TACR3: variants seen among roughly 807,000 people sequenced by gnomAD.
TACR3 encodes the protein neuromedin-K receptor.
In TACR3, 34 loss-of-function variants were observed where a neutral mutation model predicts 35.0. That is an observed-to-expected ratio of 0.97 (90% CI 0.74 to 1.30). TACR3 has a LOEUF of 1.30. TACR3 is among the 50% of genes most tolerant of loss of function. The probability of loss-of-function intolerance (pLI) is 0.00; values close to 1 mark genes in which losing one functional copy is unlikely to be tolerated. For synonymous variants in TACR3, 233 were observed against 221.1 expected (o/e 1.05, Z -0.48); for missense variants, 558 against 591.7 (o/e 0.94, Z 0.59).
intron 3 of TACR3, 131 bp downstream of exon 3, chr4:103,656,063 T>A (rs1725727670): frequency 1.7e-6 from 2 of 1,177,404 alleles, no homozygotes; most frequent in South Asian, 1.4e-5. Context: ...AGAAAAAAAA[T>A]TAAAACAAAG....
intron 1 of TACR3, among the ~76,000 whole-genome samples, chr4:103,667,227 C>T (rs1725954201): frequency 6.6e-6 from 1 of 152,126 alleles, no homozygotes; most frequent in South Asian, 2.1e-4. Context: ...CATTGCATTC[C>T]AGCTTGGGCA....
At chr4:103,619,609 GA>G (rs1193237974) in intron 3 of TACR3, among the ~76,000 whole-genome samples, 1 of 152,148 alleles carries the variant, frequency 6.6e-6, no homozygotes, top group Non-Finnish European at 1.5e-5. Flanking sequence ...GTCTCAAGGA[GA>G]ATGGTTTGAG....
At chr4:103,602,259 G>T (rs2128396) in intron 3 of TACR3, among the ~76,000 whole-genome samples, 76,350 of 151,898 alleles carry the variant, frequency 0.5, 22,891 homozygotes, top group Non-Finnish European at 0.64. Flanking sequence ...GGACTTCTCT[G>T]CATTGGTTAT....
intron 1 of TACR3, among the ~76,000 whole-genome samples, chr4:103,673,963 A>AT (rs1726106182): frequency 6.6e-6 from 1 of 152,134 alleles, no homozygotes; most frequent in African/African-American, 2.4e-5. Context: ...ATTTTATTTC[A>AT]TTTTTTATAA....
chr4:103,689,265 G>T (rs1453797461), intron 1 of TACR3, among the ~76,000 whole-genome samples: 1 of 129,058 alleles, frequency 7.7e-6, no homozygotes, highest in African/African-American at 3.0e-5. Flanking sequence ...TCGGGGGAGG[G>T]GGGCGGGATA....
chr4:103,634,909 C>T (rs1055317690), intron 3 of TACR3, among the ~76,000 whole-genome samples: 3 of 152,018 alleles, frequency 2.0e-5, no homozygotes, highest in Non-Finnish European at 2.9e-5. Flanking sequence ...TAAGATAACA[C>T]CTTTTCTATC....
chr4:103,616,082 G>T (rs529998471), intron 3 of TACR3, among the ~76,000 whole-genome samples: 169 of 152,300 alleles, frequency 1.1e-3, no homozygotes, highest in African/African-American at 4.0e-3. Context: ...ATACAGGTCA[G>T]TAATGTCAGA....
chr4:103,592,516 T>C (rs1202528949), intron 3 of TACR3, among the ~76,000 whole-genome samples: 1 of 152,198 alleles, frequency 6.6e-6, no homozygotes, highest in Non-Finnish European at 1.5e-5. Context: ...TCCCAGCATC[T>C]ATCACAGTCC....
intron 3 of TACR3, among the ~76,000 whole-genome samples, chr4:103,626,766 T>G (rs1724900486): frequency 6.6e-6 from 1 of 152,192 alleles, no homozygotes; most frequent in African/African-American, 2.4e-5. Context: ...AACTTTATAA[T>G]GAGTAATAAA....
intron 3 of TACR3, among the ~76,000 whole-genome samples, chr4:103,616,888 C>T (rs547676618): frequency 6.6e-6 from 1 of 152,220 alleles, no homozygotes; most frequent in South Asian, 2.1e-4. Flanking sequence ...GTCCAGGTTG[C>T]AGTGAGCCAT....
intron 3 of TACR3, among the ~76,000 whole-genome samples, chr4:103,598,782 C>T (rs990992438): frequency 4.3e-4 from 65 of 152,146 alleles, no homozygotes; most frequent in African/African-American, 1.5e-3. Flanking sequence ...GGCATTATTT[C>T]TGAGGGCTCT....
intron 1 of TACR3, among the ~76,000 whole-genome samples, chr4:103,687,997 ATAC>A (rs1560531946): frequency 6.6e-6 from 1 of 152,206 alleles, no homozygotes; most frequent in Non-Finnish European, 1.5e-5. Flanking sequence ...ACTTCAAACT[ATAC>A]TACAAGGCTA....
chr4:103,679,319 G>A (rs1163710741), intron 1 of TACR3, among the ~76,000 whole-genome samples: 1 of 152,022 alleles, frequency 6.6e-6, no homozygotes, highest in African/African-American at 2.4e-5. Context: ...AGATGACAGT[G>A]TGGCGTATAA....
chr4:103,595,586 T>A (rs755899118), intron 3 of TACR3, among the ~76,000 whole-genome samples: 3 of 152,082 alleles, frequency 2.0e-5, no homozygotes, highest in Non-Finnish European at 4.4e-5. Context: ...CTACAGTTGT[T>A]CTTATTCATT....
chr4:103,672,007 TTTA>T (rs1192078029), intron 1 of TACR3, among the ~76,000 whole-genome samples: 1 of 152,152 alleles, frequency 6.6e-6, no homozygotes, highest in African/African-American at 2.4e-5. Flanking sequence ...TTCTATATTG[TTTA>T]TTATTATTTC....
intron 1 of TACR3, among the ~76,000 whole-genome samples, chr4:103,666,593 A>G (rs6852687): frequency 6.6e-6 from 1 of 152,198 alleles, no homozygotes; most frequent in Non-Finnish European, 1.5e-5. Context: ...TAATACTAAA[A>G]TTTTAATTTT....
At chr4:103,703,679 C>T (rs55648669) in intron 1 of TACR3, among the ~76,000 whole-genome samples, 3 of 152,194 alleles carry the variant, frequency 2.0e-5, no homozygotes, top group African/African-American at 7.2e-5. Flanking sequence ...ATGATTTATG[C>T]TCAGAGTGAT....
At chr4:103,687,308 C>T (rs894450807) in intron 1 of TACR3, among the ~76,000 whole-genome samples, 6 of 152,200 alleles carry the variant, frequency 3.9e-5, no homozygotes, top group African/African-American at 1.4e-4. Flanking sequence ...TGGGCAAAAA[C>T]TGGAAGCATT....
At chr4:103,621,785 A>G (rs914840855) in intron 3 of TACR3, among the ~76,000 whole-genome samples, 2 of 152,198 alleles carry the variant, frequency 1.3e-5, no homozygotes, top group Non-Finnish European at 2.9e-5. Context: ...TCTACTACAC[A>G]TAGGTTTGGA....
Sources: gnomAD v4.1 joint callset for allele counts (sites outside exome capture counted in the v4.1 genomes callset) on GRCh38, gnomAD v4.1.1 for gene constraint, MANE v1.5 for transcripts, NCBI Gene and HGNC (gene_info 2026-07-23, HGNC 2026-07-21) for gene names.